Variants in PATL2 observed in about 807,000 individuals in gnomAD.
PATL2 encodes protein PAT1 homolog 2.
A neutral mutation model predicts 77.0 loss-of-function variants in PATL2; 73 were observed. The observed-to-expected ratio is 0.95, with a 90% confidence interval of 0.78 to 1.15. The LOEUF (loss-of-function observed/expected upper bound fraction) is 1.15, where lower values mean the gene tolerates loss of function less well. Among genes scored for constraint, PATL2 ranks in the 50% most tolerant of loss-of-function variants. PATL2 has a pLI of 0.00. For synonymous variants in PATL2, 265 were observed against 257.1 expected (o/e 1.03, Z -0.29); for missense variants, 618 against 655.4 (o/e 0.94, Z 0.62).
intron 4 of PATL2, 126 bp downstream of exon 4, chr15:44,676,349 T>C (rs1023320316): frequency 3.5e-6 from 3 of 862,872 alleles, no homozygotes; most frequent in Admixed American, 2.0e-5. Context: ...TATGATATAA[T>C]TAGCAAGTGG....
intron 3 of PATL2, among the ~76,000 whole-genome samples, chr15:44,708,508 G>A (rs2086786599): frequency 1.3e-5 from 2 of 152,048 alleles, no homozygotes; most frequent in African/African-American, 4.8e-5. Context: ...TCTACTTTCT[G>A]TCATATAGAT....
In PATL2 at chr15:44,669,361, G is replaced by T. The variant is rs937496181; in HGVS notation, c.983C>A (p.Pro328Gln). Reference protein sequence around the residue: ...IEEGWKYRPPPPCFSEQQSNQ... With the variant: ...IEEGWKYRPPQPCFSEQQSNQ... ...GCTTTGCTGCTCAGAAAAGCAGGGCGGTGGAGGCCTATACTTCCAGCCTTC... is the reference window on the plus strand; with the variant it reads ...GCTTTGCTGCTCAGAAAAGCAGGGCTGTGGAGGCCTATACTTCCAGCCTTC... The change falls in exon 13 of 18, where the codon CCG becomes CAG. Residue 328 changes from proline (P) to glutamine (Q), a missense_variant. Transcript: ENST00000682850. 2 of 1,551,508 alleles carry T rather than the reference G, an allele frequency of 1.3e-6. No homozygotes were observed. The highest frequency in any genetic ancestry group is 1.7e-6 in the Non-Finnish European group (2 of 1,146,948).
intron 3 of PATL2, among the ~76,000 whole-genome samples, chr15:44,690,971 C>A (rs2086377906): frequency 6.6e-6 from 1 of 151,878 alleles, no homozygotes; most frequent in Non-Finnish European, 1.5e-5. Context: ...ACTGAGAAAT[C>A]TTTGACCATG....
At chr15:44,671,978 C>T in intron 9 of PATL2, 37 bp downstream of exon 9, 1 of 1,549,166 alleles carries the variant, frequency 6.5e-7, no homozygotes, top group Non-Finnish European at 8.7e-7. Flanking sequence ...CCATTTGACC[C>T]AAGGTCAGAG....
Position 44,669,845 on chromosome 15 carries a change from C to T in PATL2, c.808G>A (p.Val270Ile). 1 of 1,551,654 alleles carries T rather than the reference C, an allele frequency of 6.4e-7. No individual in the cohort carries two copies. Among genetic ancestry groups the T allele is most frequent in the Non-Finnish European group, 8.7e-7 (1 of 1,146,998 alleles). Residue 270 changes from valine (V) to isoleucine (I), a missense_variant, in exon 11 of 18, where the codon GTA (valine) becomes ATA (isoleucine). Transcript: ENST00000682850. ...VVRIEGSLGQ[V>I]AVSTCFSPRR... ...GGGCTGAAGCATGTCGACACAGCTA[C>T]CTGGCCCAGGGAACCCTCGATTCGG...
rs1218271317 is a variant in PATL2 at position 44,669,797 on chromosome 15, GT to G, written c.855del (p.His287MetfsTer8). ...CCCACCTGCTCTTGAGTTCCATGGG[GT>G]ACCGCATCAATAGCTCGGCGAGGGC... ...CFSPRRAIDAVPHGTQEQDIE... is the reference protein window; with the variant it reads ...CFSPRRAIDAXPHGTQEQDIE... On this transcript the variant is annotated frameshift_variant, in exon 11 of 18. Transcript: ENST00000682850. LOFTEE classifies it high-confidence loss of function. 1.9e-6 allele frequency: 3 copies of G among 1,551,682 alleles called. No individual in the cohort carries two copies. The South Asian group carries it at 3.6e-5, about 18-fold the overall frequency.
chr15:44,678,926 T>G (rs2086062927), intron 3 of PATL2, among the ~76,000 whole-genome samples: 1 of 152,216 alleles, frequency 6.6e-6, no homozygotes, highest in South Asian at 2.1e-4. Flanking sequence ...AATTTCTTCT[T>G]GAGTTTTAAG....
Position 44,673,272 on chromosome 15 carries a change from A to T in PATL2, c.409T>A (p.Phe137Ile). 1 of 1,551,600 alleles carries T rather than the reference A, an allele frequency of 6.4e-7. No homozygotes were observed. Among genetic ancestry groups the T allele is most frequent in the Non-Finnish European group, 8.7e-7 (1 of 1,146,954 alleles). The part of the protein sequence containing the change: ...PRLPSPDPTL[F>I]CSLLTSWPPR... ...GGCCACGAGGTCAGCAGGCTGCAGA[A>T]GAGAGTTGGGTCTGGTGAGGGCAGC... Residue 137 changes from phenylalanine to isoleucine, a missense_variant, in exon 7 of 18, where the codon TTC becomes ATC. Coordinates refer to ENST00000682850, the MANE Select transcript of PATL2 (RefSeq NM_001387263.1).
At chr15:44,693,156 C>A (rs2086428504) in intron 3 of PATL2, among the ~76,000 whole-genome samples, 1 of 152,182 alleles carries the variant, frequency 6.6e-6, no homozygotes, top group Admixed American at 6.5e-5. Flanking sequence ...GCCAAAATGT[C>A]CATGATTCTG....
intron 9 of PATL2, among the ~76,000 whole-genome samples, chr15:44,670,543 C>G (rs2085622909): frequency 1.3e-5 from 2 of 152,194 alleles, no homozygotes; most frequent in Non-Finnish European, 2.9e-5. Flanking sequence ...AGAAATGATG[C>G]TGGCACCTTA....
At chr15:44,667,897 C>T (rs558923878) in intron 15 of PATL2, among the ~76,000 whole-genome samples, 23 of 152,054 alleles carry the variant, frequency 1.5e-4, no homozygotes, top group Non-Finnish European at 2.6e-4. Context: ...GAGCCAAGAT[C>T]GTGCCACTGT....
chr15:44,676,386 T>C, intron 4 of PATL2, 89 bp downstream of exon 4: 3 of 1,169,626 alleles, frequency 2.6e-6, no homozygotes, highest in Non-Finnish European at 3.8e-6. Context: ...TTCCAGTGAC[T>C]CTGGACATCC....
At position 44,669,379 on chromosome 15, in the gene PATL2, C is replaced by G. The variant is rs893178904; in HGVS notation, c.965G>C (p.Trp322Ser). 2 of 1,551,510 alleles carry G rather than the reference C, an allele frequency of 1.3e-6. No individual in the cohort carries two copies. Among genetic ancestry groups the G allele is most frequent in the Non-Finnish European group, 1.7e-6 (2 of 1,146,828 alleles). ...FLQLLEIEEG[W>S]KYRPPPPCFS... is the part of the protein sequence containing the mutation. ...GCAGGGCGGTGGAGGCCTATACTTC[C>G]AGCCTTCCTCTATTTCTAGTAACTG... is the stretch of plus-strand genomic sequence containing the variant. The change falls in exon 13 of 18, where the codon TGG (tryptophan) becomes TCG (serine). Residue 322 changes from tryptophan to serine, a missense_variant. By Grantham distance (177) the Trp-to-Ser change is radical. Transcript: ENST00000682850.
In PATL2 at chr15:44,701,429, C is replaced by T. The variant is rs190391986; in HGVS notation, c.-76+8667G>A. Among the ~76,000 whole-genome samples, 81 of 151,972 alleles carry T rather than the reference C, an allele frequency of 5.3e-4. 1 individual carries two copies. Among genetic ancestry groups the T allele is most frequent in the Admixed American group, 4.9e-3 (74 of 15,246 alleles). On this transcript the variant is annotated intron_variant, in intron 3 of 17. Coordinates refer to ENST00000682850, the MANE Select transcript of PATL2 (RefSeq NM_001387263.1). ...AAATAACTGAGGCTGGGCATGGTGG[C>T]TCATGCCTGTAATCCCAGCAGTTTG...
At position 44,676,565 on chromosome 15, in the gene PATL2, C is replaced by T. The variant is rs2085965699; in HGVS notation, c.-75G>A. 2.6e-6 allele frequency: 4 copies of T among 1,549,870 alleles called. No individual in the cohort carries two copies. The highest frequency in any genetic ancestry group is 2.4e-5 in the East Asian group (1 of 40,854). On this transcript the variant is annotated splice_region_variant and 5_prime_UTR_variant, in exon 4 of 18. An upstream open reading frame in the 5' UTR loses its in-frame stop. Transcript: ENST00000682850. ...GCATTGCCAGCCTCTGGAAGGTAAA[C>T]CTGAGACAAGAAAGAGGCCAAGAGG... is the stretch of plus-strand genomic sequence containing the variant.
chr15:44,682,459 C>T (rs1354058265), intron 3 of PATL2, among the ~76,000 whole-genome samples: 1 of 152,224 alleles, frequency 6.6e-6, no homozygotes, highest in Non-Finnish European at 1.5e-5. Context: ...GCCCCTGGCA[C>T]TTAACACAGT....
At chr15:44,702,964 T>C (rs1056064070) in intron 3 of PATL2, among the ~76,000 whole-genome samples, 1 of 152,066 alleles carries the variant, frequency 6.6e-6, no homozygotes. Flanking sequence ...AGCCATTGGA[T>C]AAAATGTTCT....
rs752734259 is a variant in PATL2, at chr15:44,672,114, A to G, written c.558T>C (p.Tyr186=). The G allele has an allele frequency of 1.3e-6, 2 of 1,551,568 alleles. No homozygotes were observed. The highest frequency in any genetic ancestry group is 1.2e-5 in the South Asian group (1 of 84,068). ...KKPWSQQPDP[Y]ANLMTRKEKD... The stretch of plus-strand genomic sequence containing the variant: ...TCTCTTTTCTGGTCATGAGGTTAGC[A>G]TAGGGGTCTGGCTGCTGAGACCAAG... Residue 186 remains tyrosine (Y), a synonymous_variant, in exon 9 of 18, where the codon TAT becomes TAC. Coordinates refer to ENST00000682850, the MANE Select transcript of PATL2 (RefSeq NM_001387263.1).
rs1394023782 is a variant in PATL2, at chr15:44,669,114, C to T, written c.1090G>A (p.Val364Met). 6.5e-7 allele frequency: 1 copy of T among 1,544,900 alleles called. No homozygotes were observed. The highest frequency in any genetic ancestry group is 8.7e-7 in the Non-Finnish European group (1 of 1,142,922). Residue 364 changes from valine to methionine, a missense_variant, in exon 14 of 18, where the codon GTG becomes ATG. By Grantham distance (21) the Val-to-Met change is conservative. Coordinates refer to ENST00000682850, the MANE Select transcript of PATL2 (RefSeq NM_001387263.1). ...LEEAADGFLQ[V>M]LSVRKGKALV... ...GCCTTCCCCTTCCTCACAGAGAGCACCTGCAGGAAGCCATCTGCTGCCTCT... is the reference window on the plus strand; with the variant it reads ...GCCTTCCCCTTCCTCACAGAGAGCATCTGCAGGAAGCCATCTGCTGCCTCT...
Sources: allele counts gnomAD v4.1 joint callset (sites outside exome capture counted in the v4.1 genomes callset), GRCh38; gene constraint gnomAD v4.1.1; transcripts MANE v1.5; gene names NCBI Gene and HGNC (gene_info 2026-07-23, HGNC 2026-07-21).